Variants in YJEFN3 observed in about 807,000 individuals in gnomAD.
The protein encoded by YJEFN3 is yjeF N-terminal domain-containing protein 3.
A neutral mutation model predicts 31.5 loss-of-function variants in YJEFN3; 29 were observed. That is an observed-to-expected ratio of 0.92 (90% confidence interval 0.69 to 1.26). YJEFN3 has a LOEUF of 1.26. Ranked by LOEUF, YJEFN3 falls within the 50% of genes most tolerant of loss-of-function variation. The pLI is 0.00. For synonymous variants in YJEFN3, 227 were observed against 196.1 expected, an observed-to-expected ratio of 1.16 and a Z score of -1.32; for missense variants, 442 against 425.4, an observed-to-expected ratio of 1.04 and a Z score of -0.34.
chr19:19,532,933 T>C (rs1226668792), intron 3 of YJEFN3, among the ~76,000 whole-genome samples, 193 bp downstream of exon 3: 1 of 152,112 alleles, frequency 6.6e-6, no homozygotes, highest in Non-Finnish European at 1.5e-5. Context: ...CTGAGACCCC[T>C]GGTATCAGAG....
intron 6 of YJEFN3, chr19:19,536,178 G>A (rs763560333): frequency 8.0e-5 from 21 of 263,916 alleles, no homozygotes; most frequent in Admixed American, 1.0e-4. Context: ...ATCTGAGTAG[G>A]GAGGCTGCAG....
intron 2 of YJEFN3, among the ~76,000 whole-genome samples, chr19:19,530,544 G>A (rs1025568471): frequency 2.0e-5 from 3 of 152,098 alleles, no homozygotes; most frequent in Non-Finnish European, 2.9e-5. Flanking sequence ...GGAATGCATC[G>A]CCCTCCCGCC....
intron 2 of YJEFN3, 117 bp downstream of exon 2, chr19:19,529,630 C>T (rs532855208): frequency 1.4e-5 from 19 of 1,377,398 alleles, no homozygotes; most frequent in South Asian, 2.8e-5. Flanking sequence ...GAACCAGATG[C>T]GTCCAACAGC....
chr19:19,533,872 C>T (rs1333279909), intron 3 of YJEFN3: 1 of 985,380 alleles, frequency 1.0e-6, no homozygotes, highest in Non-Finnish European at 1.2e-6. Flanking sequence ...GTCCAGAAGC[C>T]CCTCAGTCCC....
intron 1 of YJEFN3, 121 bp downstream of exon 1, chr19:19,529,112 A>G (rs1218276400): frequency 3.4e-6 from 5 of 1,485,218 alleles, no homozygotes; most frequent in Non-Finnish European, 4.5e-6. Context: ...GGAGACGGGC[A>G]CAGCCGGGAT....
Position 19,537,422 on chromosome 19 carries a change from C to A in YJEFN3, c.798C>A (p.Arg266=). 3 of 1,591,170 alleles carry A rather than the reference C, an allele frequency of 1.9e-6. No homozygotes were observed. Among genetic ancestry groups the A allele is most frequent in the South Asian group, 2.2e-5 (2 of 89,396 alleles). The stretch of plus-strand genomic sequence containing the variant: ...GCTGCGCTGGCCGCTTCTCCGGGCG[C>A]CACCACTTCGTGGCCGGCAGGTTCG... ...PKRCAGRFSG[R]HHFVAGRFVP... The change falls in exon 7 of 7, where the codon CGC becomes CGA. Residue 266 remains arginine (R), a synonymous_variant. Transcript: ENST00000514277.
chr19:19,534,948 T>C lies in YJEFN3; in HGVS notation c.319-86T>C. 8.2e-7 allele frequency: 1 copy of C among 1,219,886 alleles called. No individual in the cohort carries two copies. Among genetic ancestry groups the C allele is most frequent in the Non-Finnish European group, 1.1e-6 (1 of 887,164 alleles). 75.6% of individuals were successfully genotyped at this position (1,219,886 alleles called of 1,614,324 possible). A position where few individuals can be genotyped will look rare whatever the true frequency, so the allele number is the denominator to read the frequency against. On this transcript the variant is annotated intron_variant, in intron 3 of 6. Coordinates refer to ENST00000514277, the MANE Select transcript of YJEFN3 (RefSeq NM_198537.4). This position sits in a 1 kb window ranked among gnomAD's most constrained non-coding sequence, Gnocchi z 4.6. ...TGCCTCCAGGCCCAAGCCCCATCCC[T>C]TCCCCTACTCCGGGCCTCAGTTTCC...
chr19:19,535,962 G>A (rs998264348), intron 6 of YJEFN3: 9 of 573,512 alleles, frequency 1.6e-5, no homozygotes, highest in East Asian at 3.1e-5. Flanking sequence ...GAGCTCACTC[G>A]GCAAAGGCCG....
chr19:19,536,183 C>T (rs753492010), intron 6 of YJEFN3: 7 of 256,130 alleles, frequency 2.7e-5, no homozygotes, highest in Middle Eastern at 1.3e-3. Flanking sequence ...AGTAGGGAGG[C>T]TGCAGGCTCA....
At chr19:19,533,121 CAG>C in intron 3 of YJEFN3, 1 of 1,023,982 alleles carries the variant, frequency 9.8e-7, no homozygotes, top group African/African-American at 1.7e-5. Flanking sequence ...AACTGAAGCT[CAG>C]AGGTGGCGAG....
At chr19:19,529,957 C>G (rs377325638) in intron 2 of YJEFN3, among the ~76,000 whole-genome samples, 1 of 152,156 alleles carries the variant, frequency 6.6e-6, no homozygotes, top group South Asian at 2.1e-4. Context: ...ATCTGGTGTT[C>G]GAGTTTTCAA....
chr19:19,535,453 C>T lies in YJEFN3; in HGVS notation c.543+3C>T, dbSNP rs1174315018. The T allele has an allele frequency of 1.2e-6, 2 of 1,613,800 alleles. No homozygotes were observed. Among genetic ancestry groups the T allele is most frequent in the African/African-American group, 1.3e-5 (1 of 74,930 alleles). ...TCCTGAGCTACCTGCCCACTGAGGT[C>T]AGCGCTGGGTGGCAAGCAAGGGGGA... On this transcript the variant is annotated splice_donor_region_variant and intron_variant, in intron 5 of 6. Transcript: ENST00000514277.
chr19:19,532,134 C>T (rs113858307), intron 2 of YJEFN3, among the ~76,000 whole-genome samples: 2,121 of 152,300 alleles, frequency 0.014, 65 homozygotes, highest in African/African-American at 0.048. Context: ...GCTGAGTGTG[C>T]CATCAAACAC....
chr19:19,533,544 T>G, intron 3 of YJEFN3: 1 of 629,004 alleles, frequency 1.6e-6, no homozygotes, highest in Non-Finnish European at 1.9e-6. Context: ...TTCTCCTTCC[T>G]CTCCCTCCTC....
chr19:19,529,094 C>T lies in YJEFN3; in HGVS notation c.59+103C>T, dbSNP rs61418834. The T allele has an allele frequency of 1.6e-3, 2,336 of 1,501,354 alleles. 29 individuals carry two copies. The African/African-American group carries it at 0.026, about 17-fold the overall frequency. The allele number at this position is 1,501,354 out of a possible 1,614,324, so 93.0% of individuals were successfully genotyped here. A position where few individuals can be genotyped will look rare whatever the true frequency, so the allele number is the denominator to read the frequency against. ...GTCATAGCTGGGACAGAATGGGGTC[C>T]GGGGACTGGAGACGGGCACAGCCGG... On this transcript the variant is annotated intron_variant, in intron 1 of 6. Transcript: ENST00000514277.
chr19:19,536,660 TAG>T (rs778886789), intron 6 of YJEFN3, among the ~76,000 whole-genome samples: 1 of 138,224 alleles, frequency 7.2e-6, no homozygotes, highest in Non-Finnish European at 1.5e-5. Flanking sequence ...GCCTGGGCAA[TAG>T]AGAGAGACTG....
At chr19:19,536,502 G>A (rs746963090) in intron 6 of YJEFN3, among the ~76,000 whole-genome samples, 5 of 152,000 alleles carry the variant, frequency 3.3e-5, no homozygotes, top group African/African-American at 1.2e-4. Context: ...CCAACATGGC[G>A]AAACCCAGTC....
chr19:19,536,011 T>C (rs1279730908), intron 6 of YJEFN3: 4 of 538,140 alleles, frequency 7.4e-6, no homozygotes. Context: ...GTTGGAACCA[T>C]TAGGCGACAG....
At chr19:19,535,748 C>T (rs1237034628) in intron 6 of YJEFN3, 69 bp downstream of exon 6, 1 of 1,520,956 alleles carries the variant, frequency 6.6e-7, no homozygotes, top group Middle Eastern at 1.8e-4. Flanking sequence ...GCCCCAGCTC[C>T]TGGTCGCCCC....
Sources: allele counts gnomAD v4.1 joint callset (sites outside exome capture counted in the v4.1 genomes callset), GRCh38; gene constraint gnomAD v4.1.1; non-coding constraint Gnocchi (gnomAD v3.1); transcripts MANE v1.5; gene names NCBI Gene and HGNC (gene_info 2026-07-23, HGNC 2026-07-21).